The following RIMS2 variants were observed in gnomAD, a reference collection of about 807,000 sequenced individuals.
RIMS2 encodes regulating synaptic membrane exocytosis protein 2.
In RIMS2, 59 loss-of-function variants were observed where a neutral mutation model predicts 174.4. The observed-to-expected ratio is 0.34, with a 90% CI of 0.27 to 0.42. The LOEUF is 0.42. Ranked by LOEUF, RIMS2 falls within the 10% of genes least tolerant of loss-of-function variation. RIMS2 has a pLI of 1.00. For synonymous variants in RIMS2, 606 were observed against 572.5 expected, an observed-to-expected ratio of 1.06 and a Z score of -0.84; for missense variants, 1,620 against 1,666.3, an observed-to-expected ratio of 0.97 and a Z score of 0.48.
intron 19 of RIMS2, among the ~76,000 whole-genome samples, chr8:104,076,242 T>C (rs1356815007): frequency 6.6e-6 from 1 of 152,052 alleles, no homozygotes; most frequent in Non-Finnish European, 1.5e-5. Context: ...ATTAAAAGAG[T>C]CATAGTTCAG....
At chr8:103,985,364 C>T (rs1009751108) in intron 16 of RIMS2, among the ~76,000 whole-genome samples, 5 of 146,298 alleles carry the variant, frequency 3.4e-5, no homozygotes, top group African/African-American at 1.3e-4. Context: ...GTCCCAGCTA[C>T]TTGGAAGGCT....
rs1196597054 is a variant in RIMS2, at chr8:103,582,558, AC to A, written c.176+81498del. ...TGTCCTGGGCCAGAGGGGAGTCCAT[AC>A]CTGGAAGGGTGAGTCCCAGGCCAGG... is the stretch of plus-strand genomic sequence containing the variant. On this transcript the variant is annotated intron_variant, in intron 1 of 23. Transcript: ENST00000504942. Among the ~76,000 whole-genome samples, 3 of 152,144 alleles carry A rather than the reference AC, an allele frequency of 2.0e-5. No individual in the cohort carries two copies. The East Asian group carries it at 5.8e-4, about 29-fold the overall frequency.
intron 15 of RIMS2, among the ~76,000 whole-genome samples, chr8:103,962,552 T>C (rs773677917): frequency 1.3e-5 from 2 of 152,226 alleles, no homozygotes; most frequent in Non-Finnish European, 2.9e-5. Flanking sequence ...TTTTGCTACT[T>C]TGAAATCCAA....
chr8:104,184,329 C>A (rs2098956935), intron 19 of RIMS2, among the ~76,000 whole-genome samples: 1 of 151,530 alleles, frequency 6.6e-6, no homozygotes, highest in African/African-American at 2.4e-5. Context: ...GAACAAAGAC[C>A]TTGTCTTCTG....
intron 1 of RIMS2, among the ~76,000 whole-genome samples, chr8:103,533,583 A>G (rs187886415): frequency 9.4e-5 from 14 of 148,456 alleles, no homozygotes; most frequent in Non-Finnish European, 1.8e-4. Context: ...AATTGCTTGA[A>G]CCTAGGAGGC....
intron 23 of RIMS2, 99 bp from the exon 30 acceptor site, chr8:104,251,503 A>G: frequency 1.4e-6 from 1 of 728,724 alleles, no homozygotes; most frequent in Non-Finnish European, 2.4e-6. Flanking sequence ...TTGATGTCAG[A>G]AAATTAACTG....
intron 3 of RIMS2, among the ~76,000 whole-genome samples, chr8:103,863,885 A>G (rs1234771131): frequency 1.7e-5 from 2 of 121,082 alleles, no homozygotes; most frequent in Non-Finnish European, 3.4e-5. Context: ...TCAAAGAACC[A>G]AGTTTTTTTT....
At chr8:103,956,505 A>T (rs1322182631) in intron 14 of RIMS2, among the ~76,000 whole-genome samples, 8 of 152,222 alleles carry the variant, frequency 5.3e-5, no homozygotes, top group Admixed American at 4.6e-4. Flanking sequence ...TGGGAAAAGG[A>T]TTCCCTATAT....
chr8:104,011,076 C>T (rs1490813218), intron 17 of RIMS2, among the ~76,000 whole-genome samples: 1 of 152,102 alleles, frequency 6.6e-6, no homozygotes, highest in Non-Finnish European at 1.5e-5. Context: ...TACTATATCT[C>T]AATCCCTTTA....
chr8:104,230,440 A>G (rs1010438848), intron 19 of RIMS2, among the ~76,000 whole-genome samples: 1 of 152,018 alleles, frequency 6.6e-6, no homozygotes, highest in Non-Finnish European at 1.5e-5. Flanking sequence ...GAGGTCAGGA[A>G]TTCACAACCA....
At chr8:103,636,899 A>G (rs905648088) in intron 1 of RIMS2, among the ~76,000 whole-genome samples, 4 of 151,516 alleles carry the variant, frequency 2.6e-5, no homozygotes, top group Non-Finnish European at 4.4e-5. Context: ...TTTGGCTCAC[A>G]TAAGGAAAGT....
At chr8:103,587,445 A>AAAGG (rs2094002173) in intron 1 of RIMS2, among the ~76,000 whole-genome samples, 1 of 125,548 alleles carries the variant, frequency 8.0e-6, no homozygotes, top group Non-Finnish European at 1.8e-5. Context: ...AGAAAGAAAG[A>AAAGG]AAGAAAGAAA....
At chr8:103,738,955 G>A (rs1259140905) in intron 2 of RIMS2, among the ~76,000 whole-genome samples, 1 of 152,196 alleles carries the variant, frequency 6.6e-6, no homozygotes, top group Non-Finnish European at 1.5e-5. Context: ...TTCAACCATT[G>A]TGGAAGACAG....
At chr8:103,916,818 T>C (rs1365493357) in intron 8 of RIMS2, among the ~76,000 whole-genome samples, 1 of 152,080 alleles carries the variant, frequency 6.6e-6, no homozygotes, top group East Asian at 1.9e-4. Flanking sequence ...TAGGATTTAG[T>C]AGGGGAAGGA....
At chr8:103,741,789 C>G (rs1322556648) in intron 2 of RIMS2, among the ~76,000 whole-genome samples, 1 of 152,054 alleles carries the variant, frequency 6.6e-6, no homozygotes, top group Non-Finnish European at 1.5e-5. Context: ...ATATATTTAG[C>G]TTTGAGCTTA....
At chr8:103,866,892 T>A (rs1016061482) in intron 3 of RIMS2, among the ~76,000 whole-genome samples, 1 of 151,974 alleles carries the variant, frequency 6.6e-6, no homozygotes, top group African/African-American at 2.4e-5. Flanking sequence ...TTTTCAGGTG[T>A]TTTAAAATAT....
intron 19 of RIMS2, among the ~76,000 whole-genome samples, chr8:104,200,364 T>C (rs1190911417): frequency 6.6e-6 from 1 of 152,154 alleles, no homozygotes; most frequent in Non-Finnish European, 1.5e-5. Flanking sequence ...GTTGTTGTTT[T>C]CCTTAGAAAC....
At chr8:103,696,873 A>AC (rs2097109010) in intron 1 of RIMS2, among the ~76,000 whole-genome samples, 4 of 151,158 alleles carry the variant, frequency 2.6e-5, no homozygotes, top group South Asian at 4.2e-4. Flanking sequence ...AAAAAAAAAA[A>AC]AAAAAAAAAA....
rs1180128899 is a variant in RIMS2 at position 103,780,026 on chromosome 8, A to G, written c.698+13489A>G. ...CCAGTACCATACTGATTTGGTTACC[A>G]TAGCTTTGTAGTACATTTTGAAGTT... On this transcript the variant is annotated intron_variant, in intron 3 of 23. Transcript: ENST00000504942. Among the ~76,000 whole-genome samples the G allele has an allele frequency of 2.6e-5, 4 of 152,220 alleles. No homozygotes were observed. In the East Asian group the frequency reaches 5.8e-4, roughly 22 times the overall value.
Sources: gnomAD v4.1 joint callset for allele counts (sites outside exome capture counted in the v4.1 genomes callset) on GRCh38, gnomAD v4.1.1 for gene constraint, MANE v1.5 for transcripts, NCBI Gene and HGNC (gene_info 2026-07-23, HGNC 2026-07-21) for gene names.